The following GPC5 variants were observed in gnomAD, a reference collection of about 807,000 sequenced individuals.
GPC5 encodes glypican-5.
A neutral mutation model predicts 53.9 loss-of-function variants in GPC5; 47 were observed. The ratio of observed to expected loss-of-function variants is 0.87; its 90% CI spans 0.69 to 1.11. The LOEUF is 1.11. Among genes scored for constraint, GPC5 ranks in the 50% most tolerant of loss-of-function variants. GPC5 has a pLI of 0.00. For missense variants in GPC5, 748 were observed against 713.1 expected (o/e 1.05, Z -0.56); for synonymous variants, 286 against 263.3 (o/e 1.09, Z -0.84).
intron 5 of GPC5, among the ~76,000 whole-genome samples, chr13:91,900,924 G>C (rs1382972390): frequency 6.6e-6 from 1 of 151,968 alleles, no homozygotes; most frequent in Non-Finnish European, 1.5e-5. Context: ...GACTAAACTG[G>C]CATGCGTAGA....
At chr13:92,279,338 T>A (rs1348956425) in intron 7 of GPC5, among the ~76,000 whole-genome samples, 1 of 152,090 alleles carries the variant, frequency 6.6e-6, no homozygotes, top group South Asian at 2.1e-4. Flanking sequence ...CCATTGTATA[T>A]AAACACAATT....
intron 7 of GPC5, among the ~76,000 whole-genome samples, chr13:92,187,082 A>G (rs1438258981): frequency 4.0e-5 from 6 of 151,276 alleles, no homozygotes; most frequent in African/African-American, 1.5e-4. Flanking sequence ...ATTGCACTTC[A>G]GCCTGGGTGA....
intron 7 of GPC5, among the ~76,000 whole-genome samples, chr13:92,422,577 A>C (rs1227492395): frequency 6.6e-6 from 1 of 151,722 alleles, no homozygotes; most frequent in African/African-American, 2.4e-5. Context: ...TCATGACGAG[A>C]GGTGAGATTA....
At chr13:91,915,723 A>C (rs2039651928) in intron 6 of GPC5, among the ~76,000 whole-genome samples, 1 of 152,144 alleles carries the variant, frequency 6.6e-6, no homozygotes, top group South Asian at 2.1e-4. Flanking sequence ...ATTTTGAAAT[A>C]TGGTTTTTTT....
At chr13:92,710,370 G>A (rs1888092519) in intron 7 of GPC5, among the ~76,000 whole-genome samples, 1 of 152,116 alleles carries the variant, frequency 6.6e-6, no homozygotes, top group South Asian at 2.1e-4. Flanking sequence ...CAGAGAAGAA[G>A]AGTAATTTAG....
chr13:92,348,733 C>T (rs1266457327), intron 7 of GPC5, among the ~76,000 whole-genome samples: 1 of 152,012 alleles, frequency 6.6e-6, no homozygotes, highest in African/African-American at 2.4e-5. Flanking sequence ...TCTTCTCTGA[C>T]CCACAATGGT....
At chr13:92,631,086 T>A (rs1885220103) in intron 7 of GPC5, among the ~76,000 whole-genome samples, 1 of 152,102 alleles carries the variant, frequency 6.6e-6, no homozygotes, top group Non-Finnish European at 1.5e-5. Context: ...ATATACTATC[T>A]GTGAGGTTTT....
chr13:91,977,603 A>G (rs12184638), intron 6 of GPC5, among the ~76,000 whole-genome samples: 3,331 of 152,270 alleles, frequency 0.022, 124 homozygotes, highest in African/African-American at 0.075. Context: ...TGGGAAATAG[A>G]CAATGCAAAA....
chr13:92,198,912 A>G (rs565580067), intron 7 of GPC5, among the ~76,000 whole-genome samples: 5 of 152,346 alleles, frequency 3.3e-5, no homozygotes, highest in Non-Finnish European at 7.3e-5. Flanking sequence ...AAATTGAGAC[A>G]CCATAGAGAT....
chr13:91,755,208 T>G (rs2037263783), intron 4 of GPC5, among the ~76,000 whole-genome samples: 1 of 152,108 alleles, frequency 6.6e-6, no homozygotes, highest in Admixed American at 6.5e-5. Flanking sequence ...ATTTCATTTT[T>G]AAAAAATTAG....
intron 7 of GPC5, among the ~76,000 whole-genome samples, chr13:92,309,117 G>A (rs1292466933): frequency 6.6e-6 from 1 of 152,046 alleles, no homozygotes; most frequent in Non-Finnish European, 1.5e-5. Context: ...AGAATGAAGT[G>A]AATATAGACC....
At chr13:92,086,651 C>T (rs2041337755) in intron 6 of GPC5, among the ~76,000 whole-genome samples, 1 of 151,846 alleles carries the variant, frequency 6.6e-6, no homozygotes, top group African/African-American at 2.4e-5. Context: ...GTCTCTCTCT[C>T]TCTTTTTTTT....
At chr13:92,580,993 T>C (rs1883350910) in intron 7 of GPC5, among the ~76,000 whole-genome samples, 1 of 152,340 alleles carries the variant, frequency 6.6e-6, no homozygotes, top group African/African-American at 2.4e-5. Context: ...AATATGTTTT[T>C]GATATATGAA....
chr13:92,810,576 C>T (rs567537148), intron 7 of GPC5, among the ~76,000 whole-genome samples: 3 of 151,878 alleles, frequency 2.0e-5, no homozygotes, highest in African/African-American at 7.3e-5. Flanking sequence ...AACTTGTAAT[C>T]ATTAAGCAAT....
Position 92,109,663 on chromosome 13 carries a change from T to A in GPC5, c.1402-35167T>A, listed in dbSNP as rs529761179. On this transcript the variant is annotated intron_variant, in intron 6 of 7. Transcript: ENST00000377067. ...TATCATTATCTACCTTCTGATCATC[T>A]TAAATTTTGTATATGTCTTCCCCAT... Among the ~76,000 whole-genome samples the A allele has an allele frequency of 1.3e-5, 2 of 152,296 alleles. 1 individual carries two copies. The highest frequency in any genetic ancestry group is 1.3e-4 in the Admixed American group (2 of 15,294).
intron 2 of GPC5, among the ~76,000 whole-genome samples, chr13:91,521,948 T>A (rs1453554122): frequency 6.6e-6 from 1 of 152,180 alleles, no homozygotes; most frequent in Non-Finnish European, 1.5e-5. Flanking sequence ...TCATGGAACT[T>A]AGGGAAATAT....
intron 4 of GPC5, among the ~76,000 whole-genome samples, chr13:91,751,826 T>C (rs751728392): frequency 5.1e-4 from 78 of 152,372 alleles, no homozygotes; most frequent in Admixed American, 7.8e-4. Flanking sequence ...GAATCTCTAC[T>C]TATGGTTTCC....
At chr13:92,387,525 T>C (rs9523660) in intron 7 of GPC5, among the ~76,000 whole-genome samples, 86,657 of 151,902 alleles carry the variant, frequency 0.57, 25,229 homozygotes, top group African/African-American at 0.67. Flanking sequence ...ACAGAGTAGT[T>C]GCTTTCCGAC....
chr13:92,162,439 G>C (rs150760717), intron 7 of GPC5, among the ~76,000 whole-genome samples: 1 of 152,182 alleles, frequency 6.6e-6, no homozygotes, highest in Non-Finnish European at 1.5e-5. Context: ...TTTGGGAAAA[G>C]CAGATCTTGT....
Sources: allele counts gnomAD v4.1 joint callset (sites outside exome capture counted in the v4.1 genomes callset), GRCh38; gene constraint gnomAD v4.1.1; transcripts MANE v1.5; gene names NCBI Gene and HGNC (gene_info 2026-07-23, HGNC 2026-07-21).